CD82: variants seen among roughly 807,000 people sequenced by gnomAD.
The protein encoded by CD82 is CD82 antigen.
Under a neutral mutation model 37.4 loss-of-function variants are expected in CD82, and 36 were observed. The observed-to-expected ratio is 0.96, with a 90% CI of 0.74 to 1.27. The LOEUF (loss-of-function observed/expected upper bound fraction) is 1.27, where lower values mean the gene tolerates loss of function less well. Among genes scored for constraint, CD82 ranks in the 50% most tolerant of loss-of-function variants. CD82 has a pLI of 0.00. For missense variants in CD82, 340 were observed against 347.0 expected (o/e 0.98, Z 0.16); for synonymous variants, 158 against 137.4 (o/e 1.15, Z -1.05).
intron 1 of CD82, among the ~76,000 whole-genome samples, chr11:44,576,758 C>A (rs1474008380): frequency 6.6e-6 from 1 of 152,230 alleles, no homozygotes; most frequent in African/African-American, 2.4e-5. Context: ...TGGACATTTT[C>A]TCATGTACTT....
intron 6 of CD82, among the ~76,000 whole-genome samples, chr11:44,608,672 T>C (rs1371082079): frequency 2.0e-5 from 3 of 152,244 alleles, no homozygotes; most frequent in African/African-American, 7.2e-5. Context: ...AAAGTAGCAT[T>C]TGCAACTAAT....
chr11:44,590,730 C>A (rs1247819808), intron 2 of CD82, among the ~76,000 whole-genome samples: 1 of 151,972 alleles, frequency 6.6e-6, no homozygotes, highest in Non-Finnish European at 1.5e-5. Context: ...CCACACCAAC[C>A]CTTATTTCTG....
chr11:44,605,110 G>T lies in CD82; in HGVS notation c.189G>T (p.Gly63=). 6.2e-7 allele frequency: 1 copy of T among 1,614,216 alleles called. No individual in the cohort carries two copies. The highest frequency in any genetic ancestry group is 8.5e-7 in the Non-Finnish European group (1 of 1,180,038). Residue 63 remains glycine (G), a synonymous_variant, in exon 5 of 10, where the codon GGG becomes GGT. Transcript: ENST00000227155. ...GGGCCTATGTCTTCATCGGCGTGGG[G>T]GCAGTCACTATGCTCATGGGCTTCC... ...RMGAYVFIGV[G]AVTMLMGFLG...
chr11:44,603,126 G>C (rs1853332122), intron 4 of CD82, among the ~76,000 whole-genome samples: 1 of 152,204 alleles, frequency 6.6e-6, no homozygotes, highest in South Asian at 2.1e-4. Context: ...TTTAGGAAAA[G>C]TGGAATTGAC....
intron 6 of CD82, among the ~76,000 whole-genome samples, chr11:44,610,041 A>G (rs1024546796): frequency 2.6e-5 from 4 of 152,194 alleles, no homozygotes; most frequent in Non-Finnish European, 5.9e-5. Flanking sequence ...GCATTTGCCA[A>G]CATCTCATGT....
chr11:44,619,834 AG>A lies in CD82; in HGVS notation c.*709del, dbSNP rs1473796796. Reference sequence around the variant, plus strand: ...AGATAAGGCACTCTGGGCTGTCAGGAGACTGCCTACTGGGTGGGTCAACTTA... The same window carrying A: ...AGATAAGGCACTCTGGGCTGTCAGGAACTGCCTACTGGGTGGGTCAACTTA... On this transcript the variant is annotated 3_prime_UTR_variant, in exon 10 of 10. Transcript: ENST00000227155. 6.6e-6 allele frequency: 1 copy of A among 150,702 alleles called. No homozygotes were observed. Among genetic ancestry groups the A allele is most frequent in the Non-Finnish European group, 1.5e-5 (1 of 67,838 alleles). 9.3% of individuals were successfully genotyped at this position (150,702 alleles called of 1,614,324 possible).
intron 6 of CD82, among the ~76,000 whole-genome samples, chr11:44,611,388 TC>T (rs781054802): frequency 4.6e-5 from 7 of 152,152 alleles, no homozygotes; most frequent in Non-Finnish European, 7.4e-5. Context: ...GTAGCCCAGG[TC>T]CTCATCCTAC....
chr11:44,618,018 T>C, intron 7 of CD82, 144 bp from the exon 8 acceptor site: 1 of 653,108 alleles, frequency 1.5e-6, no homozygotes, highest in South Asian at 1.9e-5. Context: ...GCTGTACTTG[T>C]AGTTTATGAT....
chr11:44,599,007 T>G (rs1165571806), intron 3 of CD82, among the ~76,000 whole-genome samples: 2 of 152,178 alleles, frequency 1.3e-5, no homozygotes, highest in African/African-American at 4.8e-5. Context: ...GGCAGGCACT[T>G]CCCCAGCCTT....
chr11:44,579,242 A>T (rs1852944847), intron 1 of CD82, among the ~76,000 whole-genome samples: 1 of 102,724 alleles, frequency 9.7e-6, no homozygotes, highest in African/African-American at 4.1e-5. Context: ...GGAGGTAGAG[A>T]GGGGGCAGGG....
At chr11:44,593,484 C>G (rs1231723125) in intron 2 of CD82, among the ~76,000 whole-genome samples, 1 of 152,220 alleles carries the variant, frequency 6.6e-6, no homozygotes, top group Non-Finnish European at 1.5e-5. Flanking sequence ...ATTTTCTGGC[C>G]TCTGAGTCAG....
intron 2 of CD82, among the ~76,000 whole-genome samples, chr11:44,593,657 T>C (rs781033843): frequency 2.2e-4 from 34 of 152,206 alleles, no homozygotes; most frequent in Non-Finnish European, 2.8e-4. Flanking sequence ...GGAAACAACC[T>C]GTGTGTCCAA....
At chr11:44,583,084 C>T (rs1007057824) in intron 1 of CD82, among the ~76,000 whole-genome samples, 2 of 152,214 alleles carry the variant, frequency 1.3e-5, no homozygotes, top group Admixed American at 1.3e-4. Context: ...CTAGTGATGT[C>T]AAAGGCCATT....
At chr11:44,587,798 A>G in intron 2 of CD82, 1 of 352,664 alleles carries the variant, frequency 2.8e-6, no homozygotes, top group South Asian at 2.1e-5. Flanking sequence ...CACCTGACAC[A>G]CCCCCAACCT....
At chr11:44,574,639 T>G (rs1224025038) in intron 1 of CD82, among the ~76,000 whole-genome samples, 1 of 152,096 alleles carries the variant, frequency 6.6e-6, no homozygotes, top group African/African-American at 2.4e-5. Context: ...ATTCAGGCGG[T>G]AAAGAACAGA....
chr11:44,583,604 G>A (rs972584201), intron 1 of CD82, among the ~76,000 whole-genome samples: 7 of 152,180 alleles, frequency 4.6e-5, no homozygotes, highest in African/African-American at 1.7e-4. Flanking sequence ...GTTCATTTGG[G>A]CAGCAGGTGA....
At chr11:44,565,522 G>A (rs1358692746), upstream of CD82, 2 of 151,806 alleles carry the variant, frequency 1.3e-5, no homozygotes, top group African/African-American at 2.4e-5. Flanking sequence ...CCTGGCCGGC[G>A]GGAGCGCACC....
chr11:44,565,401 C>A (rs1045735915), upstream of CD82, among the ~76,000 whole-genome samples: 14 of 151,950 alleles, frequency 9.2e-5, no homozygotes, highest in Non-Finnish European at 1.9e-4. Context: ...CCCAGTGTAA[C>A]CTGGGGGCGG....
At chr11:44,577,341 C>T (rs1168363397) in intron 1 of CD82, among the ~76,000 whole-genome samples, 2 of 152,106 alleles carry the variant, frequency 1.3e-5, no homozygotes, top group Non-Finnish European at 2.9e-5. Context: ...CCATCACTTC[C>T]TCCTGTCTTC....
Sources: allele counts gnomAD v4.1 joint callset (sites outside exome capture counted in the v4.1 genomes callset), GRCh38; gene constraint gnomAD v4.1.1; transcripts MANE v1.5; gene names NCBI Gene and HGNC (gene_info 2026-07-23, HGNC 2026-07-21).